Variants in RPS6KC1 observed in about 807,000 individuals in gnomAD.
The protein encoded by RPS6KC1 is inactive ribosomal protein S6 kinase delta-1.
RPS6KC1 carries 54 observed loss-of-function variants against 103.8 expected under a neutral mutation model. The observed-to-expected ratio is 0.52, with a 90% confidence interval of 0.42 to 0.65. The LOEUF (loss-of-function observed/expected upper bound fraction) is 0.65, where lower values mean the gene tolerates loss of function less well. RPS6KC1 is among the 30% of genes least tolerant of loss of function. The pLI is 0.00. For synonymous variants in RPS6KC1, 439 were observed against 438.7 expected (o/e 1.00, Z -0.01); for missense variants, 1,151 against 1,253.8 (o/e 0.92, Z 1.24).
chr1:213,062,299 G>A (rs943748360), intron 1 of RPS6KC1, among the ~76,000 whole-genome samples: 1 of 151,926 alleles, frequency 6.6e-6, no homozygotes, highest in Non-Finnish European at 1.5e-5. Flanking sequence ...GTATATAAAG[G>A]TATATATGAA....
chr1:213,227,389 T>C (rs933480721), intron 8 of RPS6KC1, among the ~76,000 whole-genome samples: 1 of 152,264 alleles, frequency 6.6e-6, no homozygotes, highest in Admixed American at 6.5e-5. Context: ...ATTTTTATGC[T>C]GTTGGTTTTC....
At chr1:213,726,107 C>T in the RPS6KC1 span, among the ~76,000 whole-genome samples, 1 of 152,132 alleles carries the variant, frequency 6.6e-6, no homozygotes, top group Admixed American at 6.5e-5. Context: ...ATTTTAGAGA[C>T]AGTGTCTTGT....
chr1:213,781,493 G>A, the RPS6KC1 span, among the ~76,000 whole-genome samples: 4 of 152,158 alleles, frequency 2.6e-5, no homozygotes, highest in East Asian at 5.8e-4. Flanking sequence ...AAAAGCTTGT[G>A]GGGTATGAAT....
At chr1:213,269,248 G>T (rs765658426) in intron 14 of RPS6KC1, among the ~76,000 whole-genome samples, 5 of 152,106 alleles carry the variant, frequency 3.3e-5, no homozygotes, top group Non-Finnish European at 7.4e-5. Context: ...ATAGTACAGG[G>T]GTAGCTGTAA....
the RPS6KC1 span, among the ~76,000 whole-genome samples, chr1:213,622,175 G>A: frequency 1.3e-5 from 2 of 151,428 alleles, no homozygotes; most frequent in Non-Finnish European, 2.9e-5. Flanking sequence ...CAATGTTTAA[G>A]CCTTGGGAAA....
intron 8 of RPS6KC1, among the ~76,000 whole-genome samples, chr1:213,218,948 T>C (rs2093746221): frequency 6.6e-6 from 1 of 152,086 alleles, no homozygotes; most frequent in Non-Finnish European, 1.5e-5. Context: ...ATTCAGGACA[T>C]AGACATAGGA....
At chr1:213,735,338 A>G in the RPS6KC1 span, among the ~76,000 whole-genome samples, 3 of 152,186 alleles carry the variant, frequency 2.0e-5, no homozygotes, top group African/African-American at 7.2e-5. Context: ...GGGGATGTTC[A>G]GTCTAAGGTG....
At chr1:213,677,774 G>A in the RPS6KC1 span, among the ~76,000 whole-genome samples, 1 of 152,122 alleles carries the variant, frequency 6.6e-6, no homozygotes, top group Non-Finnish European at 1.5e-5. Flanking sequence ...TTGGGAGGCT[G>A]AGGTGGGTGG....
chr1:213,251,147 C>T (rs1314119681), intron 12 of RPS6KC1, among the ~76,000 whole-genome samples: 1 of 138,334 alleles, frequency 7.2e-6, no homozygotes, highest in Non-Finnish European at 1.5e-5. Flanking sequence ...TGCTCTGTCA[C>T]CCAGGCTGGA....
chr1:213,545,499 T>C, the RPS6KC1 span, among the ~76,000 whole-genome samples: 3 of 152,182 alleles, frequency 2.0e-5, no homozygotes, highest in Non-Finnish European at 4.4e-5. Context: ...GTCTTCTCCC[T>C]GTGCCTCTTC....
At position 213,129,633 on chromosome 1, in the gene RPS6KC1, T is replaced by C. The variant is rs775263280; in HGVS notation, c.579T>C (p.Phe193=). ...ASNQNSPIRT[F]GLNLSSDSSA... ...ATCAAAATTCTCCCATTAGAACTTT[T>C]GGTCTCAATCTTTCTTCGGATTCTT... The change falls in exon 6 of 15, where the codon TTT becomes TTC. Residue 193 remains phenylalanine, a synonymous_variant. Transcript: ENST00000366960. 1 of 1,614,078 alleles carries C rather than the reference T, an allele frequency of 6.2e-7. No individual in the cohort carries two copies. The highest frequency in any genetic ancestry group is 1.7e-5 in the Admixed American group (1 of 59,990).
the RPS6KC1 span, among the ~76,000 whole-genome samples, chr1:213,288,134 T>A: frequency 6.6e-6 from 1 of 152,300 alleles, no homozygotes; most frequent in African/African-American, 2.4e-5. Context: ...CCATCACTAC[T>A]CCAGGGAGAA....
chr1:213,219,246 AC>A (rs1255547384), intron 8 of RPS6KC1, among the ~76,000 whole-genome samples: 3 of 152,366 alleles, frequency 2.0e-5, no homozygotes, highest in African/African-American at 4.8e-5. Flanking sequence ...CAGCCAACAG[AC>A]ACATGAAAAA....
chr1:213,382,582 T>C, the RPS6KC1 span, among the ~76,000 whole-genome samples: 7 of 149,584 alleles, frequency 4.7e-5, no homozygotes, highest in Non-Finnish European at 8.9e-5. Flanking sequence ...TTGGCAGGCG[T>C]GGCCTGGGTG....
the RPS6KC1 span, among the ~76,000 whole-genome samples, chr1:213,796,648 G>A: frequency 2.0e-5 from 3 of 152,092 alleles, no homozygotes; most frequent in African/African-American, 4.8e-5. Flanking sequence ...ACATTTCCTG[G>A]ATGAAATAAT....
chr1:213,329,449 G>A, the RPS6KC1 span, among the ~76,000 whole-genome samples: 543 of 152,216 alleles, frequency 3.6e-3, 4 homozygotes, highest in African/African-American at 0.012. Flanking sequence ...CCAAGAACTC[G>A]ACTTTTGGAG....
At chr1:213,359,099 C>T in the RPS6KC1 span, among the ~76,000 whole-genome samples, 3 of 152,096 alleles carry the variant, frequency 2.0e-5, 1 homozygote, top group South Asian at 4.2e-4. Context: ...GAATTCAATT[C>T]CTGGGTATCG....
chr1:213,756,656 C>T, the RPS6KC1 span, among the ~76,000 whole-genome samples: 1 of 152,026 alleles, frequency 6.6e-6, no homozygotes, highest in African/African-American at 2.4e-5. Context: ...CTTGCTCTGT[C>T]ACCCAGACTG....
At chr1:213,248,395 A>G (rs377614048) in intron 12 of RPS6KC1, among the ~76,000 whole-genome samples, 1 of 152,294 alleles carries the variant, frequency 6.6e-6, no homozygotes, top group Non-Finnish European at 1.5e-5. Flanking sequence ...ATTAACAAGT[A>G]TGTTTAGTCC....
Sources: gnomAD v4.1 joint callset for allele counts (sites outside exome capture counted in the v4.1 genomes callset) on GRCh38, gnomAD v4.1.1 for gene constraint, MANE v1.5 for transcripts, NCBI Gene and HGNC (gene_info 2026-07-23, HGNC 2026-07-21) for gene names.